PRKN: variants seen among roughly 807,000 people sequenced by gnomAD.
PRKN encodes E3 ubiquitin-protein ligase parkin.
PRKN carries 56 observed loss-of-function variants against 59.5 expected under a neutral mutation model. That is an observed-to-expected ratio of 0.94 (90% CI 0.76 to 1.18). PRKN has a LOEUF of 1.18. Ranked by LOEUF, PRKN falls within the 50% of genes most tolerant of loss-of-function variation. PRKN has a pLI of 0.00. For missense variants in PRKN, 657 were observed against 596.4 expected (o/e 1.10, Z -1.06); for synonymous variants, 250 against 222.1 (o/e 1.13, Z -1.12).
chr6:161,638,050 C>A (rs6455741), intron 7 of PRKN, among the ~76,000 whole-genome samples: 103,018 of 152,080 alleles, frequency 0.68, 36,854 homozygotes, highest in African/African-American at 0.92. Context: ...AGTCCAAGGA[C>A]AAACAATGCC....
intron 2 of PRKN, among the ~76,000 whole-genome samples, chr6:162,349,654 C>T (rs972731084): frequency 1.3e-5 from 2 of 152,050 alleles, no homozygotes; most frequent in Non-Finnish European, 2.9e-5. Flanking sequence ...GAGTACATTC[C>T]AATAATGAGA....
rs143481350 is a variant in PRKN at position 161,361,363 on chromosome 6, C to T, written c.1168-1158G>A. ...AAGTCAATTCTTCCAGAGCCAAGAT[C>T]ACATTTGAGACATCCTCATATCCCC... On this transcript the variant is annotated intron_variant, in intron 10 of 11. Transcript: ENST00000366898. The surrounding 1 kb of genome is among the most constrained non-coding windows in gnomAD (Gnocchi z 5.2). Among the ~76,000 whole-genome samples the T allele has an allele frequency of 1.4e-4, 22 of 152,282 alleles. No homozygotes were observed. The highest frequency in any genetic ancestry group is 5.1e-4 in the African/African-American group (21 of 41,558).
At chr6:161,905,133 A>G (rs1022527111) in intron 6 of PRKN, among the ~76,000 whole-genome samples, 9 of 152,184 alleles carry the variant, frequency 5.9e-5, no homozygotes, top group African/African-American at 1.9e-4. Context: ...CTTTTTTTCA[A>G]CTATACCATT....
chr6:162,641,625 G>T (rs1777961286), intron 1 of PRKN, among the ~76,000 whole-genome samples: 1 of 152,106 alleles, frequency 6.6e-6, no homozygotes, highest in African/African-American at 2.4e-5. Flanking sequence ...ACATGATAAG[G>T]TCCACACAAA....
intron 6 of PRKN, among the ~76,000 whole-genome samples, chr6:161,899,573 G>T (rs750734599): frequency 6.6e-6 from 1 of 152,106 alleles, no homozygotes; most frequent in Non-Finnish European, 1.5e-5. Context: ...CATTTGCTAC[G>T]GTAGCACATC....
At chr6:161,771,845 A>G (rs1213030077) in intron 7 of PRKN, among the ~76,000 whole-genome samples, 1 of 152,170 alleles carries the variant, frequency 6.6e-6, no homozygotes, top group Non-Finnish European at 1.5e-5. Flanking sequence ...CTGCTTTGGA[A>G]CCAAACAGTA....
At chr6:162,078,682 G>A (rs1383237255) in intron 4 of PRKN, among the ~76,000 whole-genome samples, 2 of 151,976 alleles carry the variant, frequency 1.3e-5, no homozygotes, top group East Asian at 3.9e-4. Context: ...AAGCAAAGGA[G>A]AGCTGTATTG....
chr6:161,625,145 G>A (rs899639191), intron 7 of PRKN, among the ~76,000 whole-genome samples: 3 of 152,114 alleles, frequency 2.0e-5, no homozygotes, highest in South Asian at 2.1e-4. Flanking sequence ...TCACAATAGC[G>A]AAGACTTGGA....
At chr6:161,420,199 C>T (rs1412822648) in intron 9 of PRKN, among the ~76,000 whole-genome samples, 6 of 149,376 alleles carry the variant, frequency 4.0e-5, no homozygotes, top group Non-Finnish European at 5.9e-5. Context: ...GATCATGCGC[C>T]GCTGCACTCC....
chr6:162,598,489 G>C (rs112195572), intron 1 of PRKN, among the ~76,000 whole-genome samples: 248 of 152,216 alleles, frequency 1.6e-3, no homozygotes, highest in East Asian at 9.7e-3. Context: ...GATAATAATA[G>C]CAAGTAAATA....
chr6:162,259,314 C>G (rs889907296), intron 3 of PRKN, among the ~76,000 whole-genome samples: 3 of 152,204 alleles, frequency 2.0e-5, no homozygotes, highest in Non-Finnish European at 4.4e-5. Flanking sequence ...AGGTAGGATC[C>G]ATAATTGTAA....
intron 5 of PRKN, among the ~76,000 whole-genome samples, chr6:162,004,605 T>C (rs960466482): frequency 6.6e-6 from 1 of 152,176 alleles, no homozygotes; most frequent in Non-Finnish European, 1.5e-5. Context: ...GTAGGTAATA[T>C]AAACATAATG....
chr6:161,549,407 A>G lies in PRKN; in HGVS notation c.934-404T>C, dbSNP rs1047227777. ...TTTAATACATCGCTATCAATCTTAT[A>G]AAGCAATATATTGTCATGCCTCTAT... is the stretch of plus-strand genomic sequence containing the variant. On this transcript the variant is annotated intron_variant, in intron 8 of 11. Coordinates refer to ENST00000366898, the MANE Select transcript of PRKN (RefSeq NM_004562.3). This position sits in a 1 kb window ranked among gnomAD's most constrained non-coding sequence, Gnocchi z 6.0. Among the ~76,000 whole-genome samples the G allele has an allele frequency of 1.3e-5, 2 of 152,206 alleles. No individual in the cohort carries two copies. Among genetic ancestry groups the G allele is most frequent in the African/African-American group, 4.8e-5 (2 of 41,460 alleles).
intron 2 of PRKN, among the ~76,000 whole-genome samples, chr6:162,424,787 G>T (rs1225575575): frequency 6.6e-6 from 1 of 151,958 alleles, no homozygotes; most frequent in Non-Finnish European, 1.5e-5. Context: ...GCGGATGGGG[G>T]TGGGAATGTT....
At chr6:161,717,595 CG>C (rs1787039181) in intron 7 of PRKN, among the ~76,000 whole-genome samples, 1 of 152,124 alleles carries the variant, frequency 6.6e-6, no homozygotes. Flanking sequence ...AAATGTCTTC[CG>C]GTGTTCCTAA....
At chr6:161,667,850 A>T (rs1784777493) in intron 7 of PRKN, among the ~76,000 whole-genome samples, 1 of 152,202 alleles carries the variant, frequency 6.6e-6, no homozygotes, top group Admixed American at 6.5e-5. Flanking sequence ...TTCATAACAC[A>T]GCAATAATCA....
chr6:161,882,451 G>A lies in PRKN; in HGVS notation c.734+90851C>T, dbSNP rs1468159219. On this transcript the variant is annotated intron_variant, in intron 6 of 11. Transcript: ENST00000366898. Reference sequence around the variant, plus strand: ...CCAGCCCAGGCGGCAGCTTCCCTCCGGGCCTTCCTGCAGGAAAGCAGCACT... The same window carrying A: ...CCAGCCCAGGCGGCAGCTTCCCTCCAGGCCTTCCTGCAGGAAAGCAGCACT... 6.6e-5 allele frequency among the ~76,000 whole-genome samples: 10 copies of A among 152,122 alleles called. No homozygotes were observed. The South Asian group carries it at 1.7e-3, about 25-fold the overall frequency.
intron 9 of PRKN, among the ~76,000 whole-genome samples, chr6:161,528,393 T>C (rs1779087730): frequency 6.6e-6 from 1 of 152,166 alleles, no homozygotes; most frequent in Non-Finnish European, 1.5e-5. Flanking sequence ...GGAAAGGTGA[T>C]GCCTTAACCC....
rs181688194 is a variant in PRKN, at chr6:162,404,379, A to G, written c.171+38931T>C. On this transcript the variant is annotated intron_variant, in intron 2 of 11. Transcript: ENST00000366898. ...AGTGAGACTCTGTCAGAAAAAAAAA[A>G]AAAGAAAGAAAGAAAGAAAGAAAAT... Among the ~76,000 whole-genome samples, 33 of 151,808 alleles carry G rather than the reference A, an allele frequency of 2.2e-4. No homozygotes were observed. The East Asian group carries it at 3.7e-3, about 17-fold the overall frequency.
Sources: gnomAD v4.1 joint callset for allele counts (sites outside exome capture counted in the v4.1 genomes callset) on GRCh38, gnomAD v4.1.1 for gene constraint, Gnocchi (gnomAD v3.1) non-coding constraint, MANE v1.5 for transcripts, NCBI Gene and HGNC (gene_info 2026-07-23, HGNC 2026-07-21) for gene names.